TMCO1: variants seen among roughly 807,000 people sequenced by gnomAD.
TMCO1 encodes calcium load-activated calcium channel.
Under a neutral mutation model 29.3 loss-of-function variants are expected in TMCO1, and 29 were observed. The ratio of observed to expected loss-of-function variants is 0.99; its 90% CI spans 0.74 to 1.35. The LOEUF (loss-of-function observed/expected upper bound fraction) is 1.35. TMCO1 is among the 40% of genes most tolerant of loss of function. The pLI is 0.00. For missense variants in TMCO1, 173 were observed against 225.5 expected (o/e 0.77, Z 1.49); for synonymous variants, 80 against 77.1 (o/e 1.04, Z -0.20).
chr1:165,725,004 CTCTCTCTCTCTCTCTCTCTCTATATA>C (rs1018450074), downstream of TMCO1: 3 of 270,286 alleles, frequency 1.1e-5, no homozygotes, highest in Admixed American at 5.2e-5. Flanking sequence ...CTCTCTCTCT[CTCTCTCTCTCTCTCTCTCTCTATATA>C]TATATATATA....
chr1:165,752,251 C>CTTTTTTTTTTTTTTTTTTTTT lies in TMCO1; in HGVS notation c.256-83_256-82insAAAAAAAAAAAAAAAAAAAAA, dbSNP rs1558038157. The stretch of plus-strand genomic sequence containing the variant: ...TATCTCAAAAGTTTTGGTTTCATGT[C>CTTTTTTTTTTTTTTTTTTTTT]ATTTTTTTTTTTTTTTTTTTTGAGG... On this transcript the variant is annotated intron_variant, in intron 4 of 6. Transcript: ENST00000367881. 6.6e-6 allele frequency: 4 copies of CTTTTTTTTTTTTTTTTTTTTT among 608,126 alleles called. 1 individual carries two copies. Among genetic ancestry groups the CTTTTTTTTTTTTTTTTTTTTT allele is most frequent in the Non-Finnish European group, 2.7e-6 (1 of 367,748 alleles). The allele number at this position is 608,126 out of a possible 1,614,324, so 37.7% of individuals were successfully genotyped here. A position where few individuals can be genotyped will look rare whatever the true frequency, so the allele number is the denominator to read the frequency against.
At chr1:165,724,608 TTCTAACAAGGC>T (rs1650776490), downstream of TMCO1, 1 of 453,920 alleles carries the variant, frequency 2.2e-6, no homozygotes, top group Admixed American at 2.4e-5. Flanking sequence ...GCAGTTTGTG[TTCTAACAAGGC>T]TCTAGTGATT....
At chr1:165,731,867 G>A (rs866467751) in intron 6 of TMCO1, among the ~76,000 whole-genome samples, 5 of 152,130 alleles carry the variant, frequency 3.3e-5, no homozygotes, top group South Asian at 2.1e-4. Context: ...CCACAGACCC[G>A]TTTTGGGAAC....
At chr1:165,768,542 T>A in intron 1 of TMCO1, 140 bp downstream of exon 1, 1 of 1,561,618 alleles carries the variant, frequency 6.4e-7, no homozygotes, top group South Asian at 1.2e-5. Flanking sequence ...TGTTCACGAG[T>A]TGCCCAGAGA....
At chr1:165,725,110 C>T, downstream of TMCO1, 1 of 403,002 alleles carries the variant, frequency 2.5e-6, no homozygotes, top group South Asian at 1.9e-5. Flanking sequence ...TTTTTAAAAA[C>T]TCAAACTAGA....
At chr1:165,745,067 C>CT (rs773194092) in intron 5 of TMCO1, among the ~76,000 whole-genome samples, 49 of 151,960 alleles carry the variant, frequency 3.2e-4, no homozygotes, top group Non-Finnish European at 5.1e-4. Flanking sequence ...GTCATTCAGG[C>CT]TGGAATGCAG....
At chr1:165,725,010 CTCTCTCTCTCTCTCTATATA>C (rs1320640420), downstream of TMCO1, 152 of 264,296 alleles carry the variant, frequency 5.8e-4, no homozygotes, top group African/African-American at 5.4e-3. Flanking sequence ...CTCTCTCTCT[CTCTCTCTCTCTCTCTATATA>C]TATATATATA....
At chr1:165,726,489 T>C (rs1913846), downstream of TMCO1, 300,609 of 520,660 alleles carry the variant, frequency 0.58, 88,897 homozygotes, top group South Asian at 0.74. Flanking sequence ...CTATTAGGCT[T>C]TACACTGGTT....
intron 6 of TMCO1, among the ~76,000 whole-genome samples, chr1:165,742,036 A>T (rs1651614539): frequency 6.6e-6 from 1 of 152,222 alleles, no homozygotes; most frequent in Non-Finnish European, 1.5e-5. Flanking sequence ...GCAATGCAAG[A>T]ACAAACTAAT....
chr1:165,768,526 T>C, intron 1 of TMCO1, 156 bp downstream of exon 1: 1 of 1,553,906 alleles, frequency 6.4e-7, no homozygotes, highest in Non-Finnish European at 8.7e-7. Context: ...ACTCCCCTCC[T>C]GCTCCTGTTC....
In TMCO1 at chr1:165,768,662, T is replaced by A. The variant is rs763231898; in HGVS notation, c.70+20A>T. On this transcript the variant is annotated intron_variant, in intron 1 of 6. Coordinates refer to ENST00000367881, the MANE Select transcript of TMCO1 (RefSeq NM_019026.6). Reference sequence around the variant, plus strand: ...TCCTCCCGGGGACTGATCAAACGTCTGAGAAATACCCGCTCTCACCCTCTG... The same window carrying A: ...TCCTCCCGGGGACTGATCAAACGTCAGAGAAATACCCGCTCTCACCCTCTG... 25 of 1,613,822 alleles carry A rather than the reference T, an allele frequency of 1.5e-5. No homozygotes were observed. Among genetic ancestry groups the A allele is most frequent in the Non-Finnish European group, 2.0e-5 (24 of 1,179,982 alleles).
intron 2 of TMCO1, among the ~76,000 whole-genome samples, chr1:165,761,670 C>T (rs1017791189): frequency 4.6e-5 from 7 of 151,986 alleles, no homozygotes; most frequent in South Asian, 2.1e-4. Context: ...CATTTTATGT[C>T]GGGTGCAGTG....
At chr1:165,726,524 A>G (rs897779662), downstream of TMCO1, 3 of 487,398 alleles carry the variant, frequency 6.2e-6, no homozygotes, top group Admixed American at 6.9e-5. Context: ...ACTGCCACTC[A>G]ATAGCTCTGT....
intron 5 of TMCO1, among the ~76,000 whole-genome samples, chr1:165,747,122 G>A (rs1012548738): frequency 1.2e-4 from 18 of 151,944 alleles, no homozygotes; most frequent in Non-Finnish European, 2.4e-4. Flanking sequence ...TAAGCCAGGC[G>A]TAGTGATGCC....
intron 2 of TMCO1, among the ~76,000 whole-genome samples, chr1:165,765,572 G>C (rs942692575): frequency 6.6e-6 from 1 of 152,184 alleles, no homozygotes; most frequent in Admixed American, 6.5e-5. Context: ...CTGAGCCACC[G>C]CGCCCTGCCT....
rs1432112516 is a variant in TMCO1 at position 165,739,936 on chromosome 1, C to T, written c.468+3231G>A. 4.0e-5 allele frequency among the ~76,000 whole-genome samples: 6 copies of T among 151,762 alleles called. No homozygotes were observed. The South Asian group carries it at 8.4e-4, about 21-fold the overall frequency. On this transcript the variant is annotated intron_variant, in intron 6 of 6. Transcript: ENST00000367881. The stretch of plus-strand genomic sequence containing the variant: ...GACCAGCCTGGCCAACATGGCGAAA[C>T]CCTGTCTCTACTAAAAATATAAAGG...
intron 3 of TMCO1, chr1:165,754,962 C>T (rs1652139715): frequency 6.6e-6 from 1 of 152,230 alleles, no homozygotes; most frequent in African/African-American, 2.4e-5. Context: ...TCACTGTGCT[C>T]CAGCCTGGGC....
chr1:165,744,812 A>AAAAAC (rs1203138388), intron 5 of TMCO1, among the ~76,000 whole-genome samples: 1 of 138,594 alleles, frequency 7.2e-6, no homozygotes, highest in African/African-American at 2.7e-5. Flanking sequence ...AAAAAAAAAA[A>AAAAAC]TTTCAATTCT....
In TMCO1 at chr1:165,726,954, T is replaced by G; in HGVS notation, c.*1069A>C. 2.2e-6 allele frequency: 1 copy of G among 454,116 alleles called. No individual in the cohort carries two copies. The highest frequency in any genetic ancestry group is 1.6e-5 in the South Asian group (1 of 64,480). 28.1% of individuals were successfully genotyped at this position (454,116 alleles called of 1,614,324 possible). On this transcript the variant is annotated 3_prime_UTR_variant, in exon 7 of 7. Coordinates refer to ENST00000367881, the MANE Select transcript of TMCO1 (RefSeq NM_019026.6). ...AGTTTGCTGTTGGTTTAACAATGAT[T>G]ACCTTGAAAATTATGTGTTTTTTCT...
Sources: allele counts gnomAD v4.1 joint callset (sites outside exome capture counted in the v4.1 genomes callset), GRCh38; gene constraint gnomAD v4.1.1; transcripts MANE v1.5; gene names NCBI Gene and HGNC (gene_info 2026-07-23, HGNC 2026-07-21).